Variants in ADCY10 observed in about 807,000 individuals in gnomAD.
ADCY10 encodes the protein adenylate cyclase 10, also known as adenylate cyclase type 10.
ADCY10 carries 156 observed loss-of-function variants against 183.3 expected under a neutral mutation model. That is an observed-to-expected ratio of 0.85 (90% confidence interval 0.75 to 0.97). The LOEUF (loss-of-function observed/expected upper bound fraction) is 0.97, where lower values mean the gene tolerates loss of function less well. Among genes scored for constraint, ADCY10 ranks in the 50% least tolerant of loss-of-function variants. The pLI is 0.00. For synonymous variants in ADCY10, 645 were observed against 670.0 expected, an observed-to-expected ratio of 0.96 and a Z score of 0.58; for missense variants, 1,745 against 1,934.3, an observed-to-expected ratio of 0.90 and a Z score of 1.84.
At chr1:167,896,916 A>G (rs1288129925) in intron 6 of ADCY10, among the ~76,000 whole-genome samples, 1 of 152,214 alleles carries the variant, frequency 6.6e-6, no homozygotes, top group Non-Finnish European at 1.5e-5. Flanking sequence ...ATATGTACAG[A>G]GAGGGTCATT....
chr1:167,853,936 TCA>T (rs1489630810), intron 18 of ADCY10, among the ~76,000 whole-genome samples: 2 of 143,280 alleles, frequency 1.4e-5, no homozygotes, highest in African/African-American at 5.2e-5. Flanking sequence ...CCTCCCAGGC[TCA>T]AGAGATACTC....
chr1:167,905,797 T>C (rs1669773198), intron 1 of ADCY10, among the ~76,000 whole-genome samples: 2 of 152,000 alleles, frequency 1.3e-5, no homozygotes, highest in Non-Finnish European at 2.9e-5. Flanking sequence ...AAGCTGTAAA[T>C]GGAAGGAAAT....
chr1:167,859,379 C>T (rs1666131872), intron 16 of ADCY10, among the ~76,000 whole-genome samples: 2 of 152,140 alleles, frequency 1.3e-5, no homozygotes, highest in South Asian at 2.1e-4. Flanking sequence ...CAGTGAGCTA[C>T]GTACTATTAT....
At chr1:167,856,509 T>C (rs1256953770) in intron 16 of ADCY10, 70 bp from the exon 17 acceptor site, 12 of 1,478,922 alleles carry the variant, frequency 8.1e-6, no homozygotes, top group South Asian at 1.1e-5. Flanking sequence ...TGTATGGGTA[T>C]GCATATGTAT....
intron 21 of ADCY10, among the ~76,000 whole-genome samples, chr1:167,842,897 C>T (rs34231143): frequency 0.087 from 13,255 of 152,176 alleles, 672 homozygotes; most frequent in Middle Eastern, 0.14. Flanking sequence ...CTAGAAAGAA[C>T]AGCTAAATTA....
intron 17 of ADCY10, among the ~76,000 whole-genome samples, chr1:167,854,992 A>C (rs1665781158): frequency 1.3e-5 from 2 of 152,164 alleles, no homozygotes; most frequent in Admixed American, 6.5e-5. Context: ...GCTAAAGAAA[A>C]AACATTCTCT....
intron 30 of ADCY10, among the ~76,000 whole-genome samples, chr1:167,819,626 G>C (rs1014024547): frequency 6.6e-6 from 1 of 151,840 alleles, no homozygotes; most frequent in African/African-American, 2.4e-5. Flanking sequence ...GCAATGGCGC[G>C]ATCTTGGCTC....
chr1:167,882,752 C>T (rs1273302662), intron 9 of ADCY10, among the ~76,000 whole-genome samples: 8 of 152,034 alleles, frequency 5.3e-5, no homozygotes, highest in Non-Finnish European at 1.0e-4. Context: ...TGAGCTCAGA[C>T]GGGGATGGCA....
At chr1:167,906,791 A>AAAT (rs1312706408) in intron 1 of ADCY10, among the ~76,000 whole-genome samples, 3 of 152,080 alleles carry the variant, frequency 2.0e-5, no homozygotes, top group Non-Finnish European at 4.4e-5. Context: ...TCCATCTCTA[A>AAAT]AATAATAATA....
Position 167,836,445 on chromosome 1 carries a change from C to T in ADCY10, c.3173G>A (p.Cys1058Tyr). Residue 1058 changes from cysteine (C) to tyrosine (Y), a missense_variant, in exon 23 of 33, where the codon TGC becomes TAC. Coordinates refer to ENST00000367851, the MANE Select transcript of ADCY10 (RefSeq NM_018417.6). ...SDEDIIPLES[C>Y]QCEEILEIVI... ...AATCTCTAGGATTTCTTCACACTGG[C>T]AAGATTCCAGAGGGATAATGTCTTC... 1.2e-6 allele frequency: 2 copies of T among 1,614,070 alleles called. No individual in the cohort carries two copies. The highest frequency in any genetic ancestry group is 1.7e-6 in the Non-Finnish European group (2 of 1,179,946).
At chr1:167,852,314 C>T (rs772270162) in intron 18 of ADCY10, among the ~76,000 whole-genome samples, 8 of 152,056 alleles carry the variant, frequency 5.3e-5, no homozygotes, top group Non-Finnish European at 1.2e-4. Flanking sequence ...GGTAGTGGTG[C>T]ATGCCTGTAA....
chr1:167,829,530 C>T (rs1027011666), intron 25 of ADCY10, 107 bp from the exon 26 acceptor site: 3 of 1,343,194 alleles, frequency 2.2e-6, no homozygotes, highest in Non-Finnish European at 3.2e-6. Context: ...GGAATCAAAA[C>T]TGACTTGAAT....
intron 26 of ADCY10, among the ~76,000 whole-genome samples, chr1:167,826,850 A>C (rs1416738024): frequency 6.6e-6 from 1 of 152,216 alleles, no homozygotes; most frequent in Admixed American, 6.5e-5. Context: ...CAGAGGAAAC[A>C]TCCAGTGACA....
chr1:167,859,978 C>A (rs1666177269), intron 15 of ADCY10, 85 bp from the exon 16 acceptor site: 2 of 996,698 alleles, frequency 2.0e-6, no homozygotes, highest in Admixed American at 3.4e-5. Flanking sequence ...AAACACTTAA[C>A]TATTCTGTGT....
chr1:167,888,897 GAA>G (rs1409089544), intron 8 of ADCY10, among the ~76,000 whole-genome samples: 1 of 126,288 alleles, frequency 7.9e-6, no homozygotes, highest in African/African-American at 2.9e-5. Flanking sequence ...AAAAGAAAAA[GAA>G]AGAAAAAGAA....
chr1:167,863,220 T>C (rs10918784), intron 14 of ADCY10, among the ~76,000 whole-genome samples: 85,911 of 151,946 alleles, frequency 0.57, 24,374 homozygotes, highest in East Asian at 0.71. Flanking sequence ...TGACCTAAGC[T>C]CGGTAGTTAA....
chr1:167,895,125 T>C (rs1668871609), intron 7 of ADCY10, among the ~76,000 whole-genome samples: 1 of 147,654 alleles, frequency 6.8e-6, no homozygotes, highest in South Asian at 2.1e-4. Context: ...GAGGTTGCAG[T>C]GAGCCCATAT....
chr1:167,822,491 C>T (rs968328896), intron 29 of ADCY10, among the ~76,000 whole-genome samples: 2 of 152,144 alleles, frequency 1.3e-5, no homozygotes, highest in Admixed American at 6.6e-5. Context: ...TTCAAGATCA[C>T]ATGTGGGGAA....
intron 21 of ADCY10, among the ~76,000 whole-genome samples, chr1:167,840,513 T>A (rs1235487376): frequency 6.6e-6 from 1 of 151,970 alleles, no homozygotes; most frequent in Non-Finnish European, 1.5e-5. Flanking sequence ...TGTCCCACCA[T>A]GCCTGGCTAA....
Sources: gnomAD v4.1 joint callset for allele counts (sites outside exome capture counted in the v4.1 genomes callset) on GRCh38, gnomAD v4.1.1 for gene constraint, MANE v1.5 for transcripts, NCBI Gene and HGNC (gene_info 2026-07-23, HGNC 2026-07-21) for gene names.